TTLL5: variants seen among roughly 807,000 people sequenced by gnomAD.
TTLL5 encodes the protein tubulin tyrosine ligase like 5.
In TTLL5, 132 loss-of-function variants were observed where a neutral mutation model predicts 168.4. That is an observed-to-expected ratio of 0.78 (90% CI 0.68 to 0.91). TTLL5 has a LOEUF of 0.91. Ranked by LOEUF, TTLL5 falls within the 40% of genes least tolerant of loss-of-function variation. TTLL5 has a pLI of 0.00. For missense variants in TTLL5, 1,545 were observed against 1,581.5 expected, an observed-to-expected ratio of 0.98 and a Z score of 0.39; for synonymous variants, 546 against 558.6, an observed-to-expected ratio of 0.98 and a Z score of 0.32.
chr14:75,785,263 T>G (rs533158275), intron 26 of TTLL5, among the ~76,000 whole-genome samples: 31 of 150,910 alleles, frequency 2.1e-4, no homozygotes, highest in South Asian at 6.4e-4. Flanking sequence ...CCACTGCATC[T>G]TCCACCTCCA....
chr14:75,881,810 A>C (rs903001271), intron 29 of TTLL5, among the ~76,000 whole-genome samples: 1 of 152,196 alleles, frequency 6.6e-6, no homozygotes. Context: ...GTATTGAAAG[A>C]CTAGTAACAA....
intron 31 of TTLL5, among the ~76,000 whole-genome samples, chr14:75,924,639 T>A (rs2033947961): frequency 6.6e-6 from 1 of 151,890 alleles, no homozygotes; most frequent in South Asian, 2.1e-4. Flanking sequence ...GCAGAAGAAT[T>A]TTTTTTGGTA....
chr14:75,763,431 C>G (rs1216511546), intron 18 of TTLL5, among the ~76,000 whole-genome samples: 1 of 152,090 alleles, frequency 6.6e-6, no homozygotes, highest in Non-Finnish European at 1.5e-5. Flanking sequence ...GACTTACCAT[C>G]CATTCCATCC....
chr14:75,731,278 A>T (rs1888515135), intron 12 of TTLL5, among the ~76,000 whole-genome samples: 1 of 152,122 alleles, frequency 6.6e-6, no homozygotes, highest in South Asian at 2.1e-4. Flanking sequence ...ACTTCTAGAG[A>T]AAAAATATAA....
At chr14:75,796,158 T>G (rs1892985032) in intron 27 of TTLL5, among the ~76,000 whole-genome samples, 1 of 152,246 alleles carries the variant, frequency 6.6e-6, no homozygotes, top group Non-Finnish European at 1.5e-5. Context: ...ATTGTGGTTT[T>G]GATTTGCATT....
intron 28 of TTLL5, among the ~76,000 whole-genome samples, chr14:75,853,973 G>A (rs897719802): frequency 2.0e-4 from 31 of 152,054 alleles, no homozygotes; most frequent in Non-Finnish European, 2.1e-4. Context: ...GAACCCAGAG[G>A]CAGAGGTTGC....
At chr14:75,685,029 C>T (rs1033147217) in intron 5 of TTLL5, 1 of 152,160 alleles carries the variant, frequency 6.6e-6, no homozygotes, top group African/African-American at 2.4e-5. Context: ...CCTTTAATAA[C>T]ATTTTAAAAA....
In TTLL5 at chr14:75,813,861, A is replaced by G. The variant is rs925709563; in HGVS notation, c.3172-6146A>G. The stretch of plus-strand genomic sequence containing the variant: ...AAAAAAAAGCTATAGGTTTTCAACT[A>G]TCTCCTGTCTGTTTTCCAGACCCCT... On this transcript the variant is annotated intron_variant, in intron 27 of 31. Transcript: ENST00000298832. 4.0e-5 allele frequency among the ~76,000 whole-genome samples: 6 copies of G among 151,228 alleles called. No individual in the cohort carries two copies. The East Asian group carries it at 7.8e-4, about 20-fold the overall frequency.
chr14:75,869,936 C>T (rs1437217559), intron 29 of TTLL5, among the ~76,000 whole-genome samples: 2 of 149,966 alleles, frequency 1.3e-5, no homozygotes, highest in Non-Finnish European at 1.5e-5. Flanking sequence ...TCCCCTGCCT[C>T]AGCCTCCTGA....
At chr14:75,748,293 A>G (rs1279382515) in intron 17 of TTLL5, among the ~76,000 whole-genome samples, 1 of 152,078 alleles carries the variant, frequency 6.6e-6, no homozygotes, top group Non-Finnish European at 1.5e-5. Flanking sequence ...AAAAAAAAAA[A>G]AAAAAAGACA....
intron 12 of TTLL5, 140 bp downstream of exon 12, chr14:75,720,843 T>C (rs1280879629): frequency 1.3e-5 from 9 of 712,816 alleles, no homozygotes; most frequent in Non-Finnish European, 2.2e-5. Flanking sequence ...TCATGTAGCA[T>C]ATGAAGAGCC....
intron 31 of TTLL5, among the ~76,000 whole-genome samples, chr14:75,936,169 C>T (rs1411703604): frequency 6.6e-6 from 1 of 151,968 alleles, no homozygotes; most frequent in African/African-American, 2.4e-5. Context: ...TTAATCATCA[C>T]AACAATCATA....
At chr14:75,779,972 T>C (rs374434989) in intron 24 of TTLL5, among the ~76,000 whole-genome samples, 5 of 152,170 alleles carry the variant, frequency 3.3e-5, no homozygotes. Flanking sequence ...TGAACACTTA[T>C]CTTTCTGTCT....
intron 31 of TTLL5, among the ~76,000 whole-genome samples, chr14:75,938,327 C>T (rs556495584): frequency 2.0e-5 from 3 of 152,232 alleles, no homozygotes; most frequent in South Asian, 2.1e-4. Flanking sequence ...TCCAAGGAAA[C>T]GAGTTTAAGG....
At chr14:75,930,248 C>T (rs186347004) in intron 31 of TTLL5, among the ~76,000 whole-genome samples, 1 of 152,222 alleles carries the variant, frequency 6.6e-6, no homozygotes, top group Admixed American at 6.5e-5. Flanking sequence ...TGAACACATA[C>T]AAGGTAAAAC....
chr14:75,849,723 A>G (rs1896746212), intron 28 of TTLL5, among the ~76,000 whole-genome samples: 1 of 152,234 alleles, frequency 6.6e-6, no homozygotes, highest in Admixed American at 6.5e-5. Flanking sequence ...CAAAGGAATG[A>G]CTGTAACTAG....
chr14:75,910,760 C>T (rs1236104823), intron 31 of TTLL5, among the ~76,000 whole-genome samples: 1 of 152,154 alleles, frequency 6.6e-6, no homozygotes, highest in Non-Finnish European at 1.5e-5. Flanking sequence ...AAGTGTATTG[C>T]CCTGTTGGCA....
chr14:75,888,921 G>C (rs2032254068), intron 30 of TTLL5, among the ~76,000 whole-genome samples: 1 of 111,430 alleles, frequency 9.0e-6, no homozygotes, highest in South Asian at 3.6e-4. Flanking sequence ...GGGCAACAGA[G>C]AGAGACTGTC....
chr14:75,908,998 G>A (rs747787110), intron 31 of TTLL5, among the ~76,000 whole-genome samples: 2 of 151,646 alleles, frequency 1.3e-5, no homozygotes, highest in African/African-American at 2.4e-5. Context: ...GGCTGGTCTC[G>A]AACCCCTAAG....
Sources: allele counts gnomAD v4.1 joint callset (sites outside exome capture counted in the v4.1 genomes callset), GRCh38; gene constraint gnomAD v4.1.1; transcripts MANE v1.5; gene names NCBI Gene and HGNC (gene_info 2026-07-23, HGNC 2026-07-21).